Variants in GRIP1 observed in about 807,000 individuals in gnomAD.
GRIP1 encodes glutamate receptor interacting protein 1.
In GRIP1, 45 loss-of-function variants were observed where a neutral mutation model predicts 129.9. The ratio of observed to expected loss-of-function variants is 0.35; its 90% CI spans 0.27 to 0.44. The LOEUF is 0.44. Ranked by LOEUF, GRIP1 falls within the 20% of genes least tolerant of loss-of-function variation. The probability of loss-of-function intolerance (pLI) is 1.00; values close to 1 mark genes in which losing one functional copy is unlikely to be tolerated. For synonymous variants in GRIP1, 530 were observed against 520.8 expected (o/e 1.02, Z -0.24); for missense variants, 1,196 against 1,396.8 (o/e 0.86, Z 2.29).
intron 1 of GRIP1, among the ~76,000 whole-genome samples, chr12:66,930,205 A>G (rs2041368762): frequency 6.8e-6 from 1 of 146,636 alleles, no homozygotes; most frequent in African/African-American, 2.5e-5. Flanking sequence ...CGCTGCACCC[A>G]CTAACTCGTC....
At chr12:66,499,981 C>T (rs557724278) in intron 7 of GRIP1, among the ~76,000 whole-genome samples, 10 of 152,114 alleles carry the variant, frequency 6.6e-5, no homozygotes, top group East Asian at 1.9e-4. Flanking sequence ...ACAGCCTGGG[C>T]GACAGAGCCA....
At chr12:66,633,319 C>CTA (rs1555220335) in intron 1 of GRIP1, among the ~76,000 whole-genome samples, 14 of 146,986 alleles carry the variant, frequency 9.5e-5, no homozygotes, top group South Asian at 4.2e-4. Flanking sequence ...CTATACTATA[C>CTA]TATATATATA....
chr12:66,742,804 TGTCA>T (rs1416595940), intron 1 of GRIP1, among the ~76,000 whole-genome samples: 5 of 152,066 alleles, frequency 3.3e-5, no homozygotes, highest in Admixed American at 2.0e-4. Flanking sequence ...AAATAGAGAA[TGTCA>T]GTCAAATTTA....
chr12:66,401,609 T>TATATATATATATATATATATACAC (rs1169241331), intron 16 of GRIP1, among the ~76,000 whole-genome samples: 17 of 110,178 alleles, frequency 1.5e-4, no homozygotes, highest in African/African-American at 6.3e-4. Flanking sequence ...TATATATATA[T>TATATATATATATATATATATACAC]ACACACACAC....
intron 1 of GRIP1, among the ~76,000 whole-genome samples, chr12:66,892,734 G>C (rs1185680713): frequency 6.6e-6 from 1 of 152,088 alleles, no homozygotes; most frequent in Non-Finnish European, 1.5e-5. Flanking sequence ...GGCCAAGGCA[G>C]GAGGACTGCT....
chr12:66,852,167 A>G (rs1332743132), intron 1 of GRIP1, among the ~76,000 whole-genome samples: 1 of 152,024 alleles, frequency 6.6e-6, no homozygotes, highest in African/African-American at 2.4e-5. Flanking sequence ...TCATTCTTCC[A>G]TTTCTGGAAA....
chr12:66,504,525 C>T (rs1179990859), intron 7 of GRIP1, among the ~76,000 whole-genome samples: 2 of 152,048 alleles, frequency 1.3e-5, no homozygotes. Flanking sequence ...CTGTAGTGCT[C>T]AGGTAGATGG....
chr12:66,359,897 G>A (rs1041498556), intron 23 of GRIP1, among the ~76,000 whole-genome samples: 2 of 152,034 alleles, frequency 1.3e-5, no homozygotes, highest in South Asian at 2.1e-4. Context: ...TGGTTACCTT[G>A]GATTTACTTC....
chr12:66,503,974 A>G (rs1197508595), intron 7 of GRIP1, among the ~76,000 whole-genome samples: 1 of 152,172 alleles, frequency 6.6e-6, no homozygotes, highest in African/African-American at 2.4e-5. Flanking sequence ...TGGCTAAAAC[A>G]AAAAGGTCAT....
At chr12:66,516,340 G>A (rs1313431410) in intron 6 of GRIP1, among the ~76,000 whole-genome samples, 2 of 152,098 alleles carry the variant, frequency 1.3e-5, no homozygotes, top group African/African-American at 4.8e-5. Context: ...GACACTCAAG[G>A]CATTGAGAGA....
chr12:66,999,258 G>A (rs2042515340), intron 1 of GRIP1, among the ~76,000 whole-genome samples: 1 of 152,150 alleles, frequency 6.6e-6, no homozygotes, highest in African/African-American at 2.4e-5. Context: ...TGAGAAACAT[G>A]TGATTAATAT....
intron 1 of GRIP1, among the ~76,000 whole-genome samples, chr12:66,686,359 T>G (rs1263084372): frequency 6.6e-6 from 1 of 152,208 alleles, no homozygotes; most frequent in Non-Finnish European, 1.5e-5. Flanking sequence ...TTTGTCTTGG[T>G]CTGTGTATGA....
intron 1 of GRIP1, among the ~76,000 whole-genome samples, chr12:66,873,069 C>G (rs2040323061): frequency 6.6e-6 from 1 of 152,064 alleles, no homozygotes; most frequent in Non-Finnish European, 1.5e-5. Context: ...TACAGGTGGC[C>G]TCTCCTGTCT....
intron 1 of GRIP1, among the ~76,000 whole-genome samples, chr12:66,688,683 T>C (rs569804752): frequency 1.5e-4 from 23 of 152,110 alleles, no homozygotes; most frequent in African/African-American, 5.3e-4. Context: ...CAGTGCCTAT[T>C]ATTTTCCACT....
intron 1 of GRIP1, among the ~76,000 whole-genome samples, chr12:66,615,471 C>A (rs1264750439): frequency 6.6e-6 from 1 of 152,008 alleles, no homozygotes; most frequent in Non-Finnish European, 1.5e-5. Context: ...GTATATTATA[C>A]CTGGGTGGCT....
intron 1 of GRIP1, among the ~76,000 whole-genome samples, chr12:66,904,572 A>T (rs2040897442): frequency 6.6e-6 from 1 of 152,182 alleles, no homozygotes; most frequent in Non-Finnish European, 1.5e-5. Context: ...ATGAAACCCC[A>T]TTCCTTTAAA....
At chr12:66,648,336 G>A (rs2032532034) in intron 1 of GRIP1, among the ~76,000 whole-genome samples, 1 of 152,188 alleles carries the variant, frequency 6.6e-6, no homozygotes, top group African/African-American at 2.4e-5. Flanking sequence ...TTAGTGCTTT[G>A]CCTTTCTCTA....
At chr12:66,571,447 T>C (rs1382795247) in intron 2 of GRIP1, among the ~76,000 whole-genome samples, 4 of 152,352 alleles carry the variant, frequency 2.6e-5, no homozygotes, top group African/African-American at 7.2e-5. Context: ...GAAATCTGGA[T>C]ACATACTTCC....
intron 1 of GRIP1, among the ~76,000 whole-genome samples, chr12:66,744,839 A>G (rs1434346456): frequency 6.6e-6 from 1 of 152,170 alleles, no homozygotes; most frequent in East Asian, 1.9e-4. Flanking sequence ...ATCTTACTCA[A>G]TTATATTACA....
Sources: gnomAD v4.1 joint callset for allele counts (sites outside exome capture counted in the v4.1 genomes callset) on GRCh38, gnomAD v4.1.1 for gene constraint, MANE v1.5 for transcripts, NCBI Gene and HGNC (gene_info 2026-07-23, HGNC 2026-07-21) for gene names.